Variants in MEP1A observed in about 807,000 individuals in gnomAD.
MEP1A encodes the protein meprin A subunit alpha.
A neutral mutation model predicts 84.5 loss-of-function variants in MEP1A; 68 were observed. The observed-to-expected ratio is 0.80, with a 90% confidence interval of 0.66 to 0.98. The LOEUF is 0.98. Among genes scored for constraint, MEP1A ranks in the 50% least tolerant of loss-of-function variants. The probability of loss-of-function intolerance (pLI) is 0.00; values close to 1 mark genes in which losing one functional copy is unlikely to be tolerated. For missense variants in MEP1A, 887 were observed against 919.9 expected (o/e 0.96, Z 0.46); for synonymous variants, 337 against 336.8 (o/e 1.00, Z -0.01).
intron 5 of MEP1A, among the ~76,000 whole-genome samples, chr6:46,807,071 A>G (rs1180110934): frequency 6.6e-6 from 1 of 151,954 alleles, no homozygotes; most frequent in Non-Finnish European, 1.5e-5. Context: ...AGCACCAGAA[A>G]TTCTCTCAAA....
chr6:46,800,425 G>C (rs990415985), intron 5 of MEP1A, among the ~76,000 whole-genome samples: 1 of 152,172 alleles, frequency 6.6e-6, no homozygotes, highest in Non-Finnish European at 1.5e-5. Context: ...CTCTAGTGAT[G>C]CTGATGCTAT....
intron 10 of MEP1A, among the ~76,000 whole-genome samples, chr6:46,831,207 T>C (rs1768067367): frequency 6.6e-6 from 1 of 152,240 alleles, no homozygotes; most frequent in Non-Finnish European, 1.5e-5. Context: ...GTGTTGTTTA[T>C]GTGATATTCA....
intron 6 of MEP1A, among the ~76,000 whole-genome samples, chr6:46,809,801 T>G (rs575313636): frequency 2.0e-5 from 3 of 150,814 alleles, no homozygotes; most frequent in East Asian, 3.9e-4. Flanking sequence ...TAATACATGG[T>G]GTGTGTGTGT....
downstream of MEP1A, among the ~76,000 whole-genome samples, chr6:46,841,101 T>C (rs1768324025): frequency 6.6e-6 from 1 of 152,218 alleles, no homozygotes; most frequent in Admixed American, 6.5e-5. Context: ...ATTTCTTAAA[T>C]ACATGAGTTT....
rs765245508 is a variant in MEP1A, at chr6:46,793,540, TA to T, written c.70-11del. The stretch of plus-strand genomic sequence containing the variant: ...ATACATTATCCATTTTCTGTATATT[TA>T]TTTTTTTCAGATTAAGTATCTTCCT... On this transcript the variant is annotated splice_polypyrimidine_tract_variant and intron_variant, in intron 1 of 13. Coordinates refer to ENST00000230588, the MANE Select transcript of MEP1A (RefSeq NM_005588.3). 7.4e-5 allele frequency: 115 copies of T among 1,560,890 alleles called. No homozygotes were observed. Among genetic ancestry groups the T allele is most frequent in the Non-Finnish European group, 9.1e-5 (104 of 1,142,982 alleles).
At chr6:46,819,268 T>C (rs1251864113) in intron 6 of MEP1A, among the ~76,000 whole-genome samples, 1 of 152,228 alleles carries the variant, frequency 6.6e-6, no homozygotes, top group Non-Finnish European at 1.5e-5. Context: ...ATTGTTATAA[T>C]AGGATTGATT....
At chr6:46,812,220 A>T (rs1361851889) in intron 6 of MEP1A, among the ~76,000 whole-genome samples, 1 of 152,058 alleles carries the variant, frequency 6.6e-6, no homozygotes, top group Non-Finnish European at 1.5e-5. Flanking sequence ...ATTTCCAGGA[A>T]TTTATCCATC....
chr6:46,840,577 G>A (rs1420195078), downstream of MEP1A, among the ~76,000 whole-genome samples: 1 of 152,178 alleles, frequency 6.6e-6, no homozygotes, highest in Non-Finnish European at 1.5e-5. Context: ...CCTGGCTGCA[G>A]GCTTGGATTG....
At chr6:46,803,853 T>C (rs1001520454) in intron 5 of MEP1A, among the ~76,000 whole-genome samples, 1 of 151,666 alleles carries the variant, frequency 6.6e-6, no homozygotes, top group Admixed American at 6.6e-5. Flanking sequence ...AATATTTTCA[T>C]CCATGGATGG....
At chr6:46,834,428 T>A (rs991213734) in intron 11 of MEP1A, 150 bp from the exon 12 acceptor site, 86 of 228,128 alleles carry the variant, frequency 3.8e-4, no homozygotes, top group Non-Finnish European at 5.4e-4. Context: ...ACACTTTTTT[T>A]ATTTTTATAT....
chr6:46,833,039 T>C, intron 10 of MEP1A, 35 bp from the exon 11 acceptor site: 1 of 1,235,946 alleles, frequency 8.1e-7, no homozygotes, highest in Non-Finnish European at 1.1e-6. Flanking sequence ...TAAGTGTTGG[T>C]CACAGTTCTC....
At chr6:46,840,493 C>G (rs1189903913), downstream of MEP1A, among the ~76,000 whole-genome samples, 1 of 152,154 alleles carries the variant, frequency 6.6e-6, no homozygotes, top group Non-Finnish European at 1.5e-5. Flanking sequence ...CTGACTCCCC[C>G]ACAACCTCCA....
Position 46,833,403 on chromosome 6 carries a change from G to A in MEP1A, c.1474G>A (p.Glu492Lys). The change falls in exon 11 of 14, where the codon GAG (glutamate) becomes AAG (lysine). Residue 492 changes from glutamate (E) to lysine (K), a missense_variant. By Grantham distance (56) the Glu-to-Lys change is moderately conservative (BLOSUM62 1). Coordinates refer to ENST00000230588, the MANE Select transcript of MEP1A (RefSeq NM_005588.3). ...ACTTGCTTTTCATGTGTGCAGTGGGGAGAACGATGCTATCCTGGAGTGGCC... is the reference window on the plus strand; with the variant it reads ...ACTTGCTTTTCATGTGTGCAGTGGGAAGAACGATGCTATCCTGGAGTGGCC... ...LRLAFHVCSG[E>K]NDAILEWPVE... 1 of 1,614,202 alleles carries A rather than the reference G, an allele frequency of 6.2e-7. No homozygotes were observed. Among genetic ancestry groups the A allele is most frequent in the Non-Finnish European group, 8.5e-7 (1 of 1,180,042 alleles).
intron 5 of MEP1A, among the ~76,000 whole-genome samples, chr6:46,807,132 C>T (rs1218563540): frequency 2.0e-5 from 3 of 151,554 alleles, no homozygotes; most frequent in South Asian, 2.1e-4. Flanking sequence ...TCTTCTAATA[C>T]GTACAGCCAT....
At chr6:46,813,445 A>G (rs1410826) in intron 6 of MEP1A, among the ~76,000 whole-genome samples, 40,717 of 152,046 alleles carry the variant, frequency 0.27, 5,643 homozygotes, top group South Asian at 0.33. Context: ...CTGAAAGAGT[A>G]CAAATAGACA....
intron 6 of MEP1A, among the ~76,000 whole-genome samples, chr6:46,817,197 G>T (rs984045295): frequency 3.3e-5 from 5 of 152,184 alleles, no homozygotes; most frequent in Non-Finnish European, 7.4e-5. Flanking sequence ...GGGAGGAGGG[G>T]TTAGGAAAGG....
chr6:46,809,359 A>G, intron 5 of MEP1A, 61 bp from the exon 6 acceptor site: 1 of 1,016,506 alleles, frequency 9.8e-7, no homozygotes, highest in Non-Finnish European at 1.5e-6. Flanking sequence ...CTAAACTATA[A>G]GTTATAGATA....
At chr6:46,828,233 G>A (rs1054635094) in intron 9 of MEP1A, among the ~76,000 whole-genome samples, 55 of 133,884 alleles carry the variant, frequency 4.1e-4, no homozygotes, top group South Asian at 2.4e-4. Context: ...AGCCTTGTGC[G>A]CTGTTTTTTT....
rs1283191482 is a variant in MEP1A at position 46,829,530 on chromosome 6, C to T, written c.1103C>T (p.Thr368Ile). ...LVVWVRRDDS[T>I]GNVRKLVKVQ... The stretch of plus-strand genomic sequence containing the variant: ...GTCTGGGTCAGGAGGGATGACAGCA[C>T]AGGCAATGTTCGCAAGTTGGTGAAG... Residue 368 changes from threonine (T) to isoleucine (I), a missense_variant, in exon 10 of 14, where the codon ACA (threonine) becomes ATA (isoleucine). Coordinates refer to ENST00000230588, the MANE Select transcript of MEP1A (RefSeq NM_005588.3). 4 of 1,614,056 alleles carry T rather than the reference C, an allele frequency of 2.5e-6. No homozygotes were observed. The highest frequency in any genetic ancestry group is 3.4e-6 in the Non-Finnish European group (4 of 1,180,038).
Sources: allele counts gnomAD v4.1 joint callset (sites outside exome capture counted in the v4.1 genomes callset), GRCh38; gene constraint gnomAD v4.1.1; transcripts MANE v1.5; gene names NCBI Gene and HGNC (gene_info 2026-07-23, HGNC 2026-07-21).